The following RUNDC3B variants were observed in gnomAD, a reference collection of about 807,000 sequenced individuals.
The protein encoded by RUNDC3B is RUN domain containing 3B, also known as RUN domain-containing protein 3B.
A neutral mutation model predicts 58.4 loss-of-function variants in RUNDC3B; 33 were observed. That is an observed-to-expected ratio of 0.56 (90% CI 0.43 to 0.75). The LOEUF (loss-of-function observed/expected upper bound fraction) is 0.75, where lower values mean the gene tolerates loss of function less well. Ranked by LOEUF, RUNDC3B falls within the 30% of genes least tolerant of loss-of-function variation. The pLI is 0.00. For missense variants in RUNDC3B, 501 were observed against 535.7 expected, an observed-to-expected ratio of 0.94 and a Z score of 0.64; for synonymous variants, 193 against 195.2, an observed-to-expected ratio of 0.99 and a Z score of 0.10.
chr7:87,628,901 C>A lies in RUNDC3B; in HGVS notation c.78C>A (p.Ala26=). ...GAGGCGGCAAGAAAAGCCTGAGCGC[C>A]CGCAATGCTGCGGTGGAGAGGAGGA... ...GGGGGKKSLS[A]RNAAVERRNL... is the part of the protein sequence containing the mutation. Residue 26 remains alanine (A), a synonymous_variant, in exon 1 of 11, where the codon GCC becomes GCA. Transcript: ENST00000394654. 1 of 1,306,714 alleles carries A rather than the reference C, an allele frequency of 7.7e-7. No homozygotes were observed. Among genetic ancestry groups the A allele is most frequent in the Non-Finnish European group, 9.8e-7 (1 of 1,019,770 alleles). The allele number at this position is 1,306,714 out of a possible 1,614,324, so 80.9% of individuals were successfully genotyped here.
chr7:87,792,790 T>G (rs917851311), intron 8 of RUNDC3B, among the ~76,000 whole-genome samples: 3 of 151,742 alleles, frequency 2.0e-5, no homozygotes, highest in African/African-American at 7.3e-5. Context: ...TAATGATGCA[T>G]CTTAAAGAAC....
At chr7:87,802,464 C>CA (rs899424249) in intron 8 of RUNDC3B, among the ~76,000 whole-genome samples, 11 of 151,266 alleles carry the variant, frequency 7.3e-5, no homozygotes, top group African/African-American at 1.7e-4. Flanking sequence ...TAAATGGACA[C>CA]AAAAAAAATT....
In RUNDC3B at chr7:87,628,443, T is replaced by G; in HGVS notation, c.-381T>G. 6.1e-6 allele frequency: 1 copy of G among 162,764 alleles called. No individual in the cohort carries two copies. 10.1% of individuals were successfully genotyped at this position (162,764 alleles called of 1,614,324 possible). Reference sequence around the variant, plus strand: ...GGCACGAGTGGCTGCGGAGTGTGGGTGGTTGGGCGTGAGGGGCCGACGGGC... The same window carrying G: ...GGCACGAGTGGCTGCGGAGTGTGGGGGGTTGGGCGTGAGGGGCCGACGGGC... On this transcript the variant is annotated 5_prime_UTR_variant, in exon 1 of 11. Coordinates refer to ENST00000394654, the MANE Select transcript of RUNDC3B (RefSeq NM_001134405.2).
chr7:87,823,291 T>G (rs1837595398), intron 10 of RUNDC3B, among the ~76,000 whole-genome samples: 1 of 152,118 alleles, frequency 6.6e-6, no homozygotes, highest in Admixed American at 6.6e-5. Flanking sequence ...CTTTTTAAAA[T>G]TTCATAAACC....
chr7:87,719,143 T>A (rs1470766209), intron 4 of RUNDC3B, among the ~76,000 whole-genome samples: 1 of 151,704 alleles, frequency 6.6e-6, no homozygotes, highest in African/African-American at 2.4e-5. Flanking sequence ...AAAATCAATA[T>A]TCAACAATAA....
intron 2 of RUNDC3B, among the ~76,000 whole-genome samples, chr7:87,699,288 C>G (rs943375172): frequency 2.0e-5 from 3 of 152,002 alleles, no homozygotes; most frequent in Non-Finnish European, 4.4e-5. Flanking sequence ...AAACAACTTT[C>G]CTAGGGAAGA....
intron 4 of RUNDC3B, among the ~76,000 whole-genome samples, chr7:87,738,387 A>G (rs1053297567): frequency 2.0e-5 from 3 of 151,926 alleles, no homozygotes; most frequent in Non-Finnish European, 4.4e-5. Context: ...AGAAGTTTTC[A>G]TTTTTCTCCT....
At chr7:87,733,572 C>T (rs1584039426) in intron 4 of RUNDC3B, among the ~76,000 whole-genome samples, 1 of 152,092 alleles carries the variant, frequency 6.6e-6, no homozygotes, top group Non-Finnish European at 1.5e-5. Flanking sequence ...GGCAGCGGTC[C>T]CCAACCTTTT....
At chr7:87,700,183 TTGTTAAGACTA>T (rs1828896593) in intron 2 of RUNDC3B, among the ~76,000 whole-genome samples, 1 of 152,166 alleles carries the variant, frequency 6.6e-6, no homozygotes, top group African/African-American at 2.4e-5. Flanking sequence ...TTTGATTTTA[TTGTTAAGACTA>T]TGATCCAGAC....
At chr7:87,780,462 T>C (rs1031577596) in intron 8 of RUNDC3B, among the ~76,000 whole-genome samples, 2 of 152,210 alleles carry the variant, frequency 1.3e-5, no homozygotes, top group African/African-American at 4.8e-5. Flanking sequence ...ATTTGTTTTT[T>C]TCTTGTTGAT....
intron 4 of RUNDC3B, among the ~76,000 whole-genome samples, chr7:87,726,366 G>T (rs1029052006): frequency 3.3e-5 from 5 of 152,006 alleles, no homozygotes; most frequent in Admixed American, 6.6e-5. Flanking sequence ...CCCCATTGCT[G>T]GTTTTTGTCA....
intron 6 of RUNDC3B, among the ~76,000 whole-genome samples, chr7:87,749,623 A>G (rs1324363288): frequency 6.6e-6 from 1 of 152,156 alleles, no homozygotes; most frequent in Non-Finnish European, 1.5e-5. Flanking sequence ...CATTTTTTAA[A>G]AATCTACTAG....
intron 6 of RUNDC3B, among the ~76,000 whole-genome samples, chr7:87,754,527 A>G (rs1833239012): frequency 6.6e-6 from 1 of 152,222 alleles, no homozygotes; most frequent in Admixed American, 6.5e-5. Context: ...CACAATGGAA[A>G]GAATTAAAGA....
intron 2 of RUNDC3B, among the ~76,000 whole-genome samples, chr7:87,679,676 C>G (rs1363753906): frequency 2.7e-5 from 4 of 150,372 alleles, no homozygotes; most frequent in Non-Finnish European, 5.9e-5. Context: ...AAGTGTGAAC[C>G]ACTGTGCCTG....
chr7:87,648,700 T>TA (rs1272715700), intron 1 of RUNDC3B, among the ~76,000 whole-genome samples: 1 of 152,184 alleles, frequency 6.6e-6, no homozygotes, highest in Admixed American at 6.5e-5. Context: ...TAGTATTTTT[T>TA]ATTTCCCGAT....
chr7:87,710,542 A>G, intron 3 of RUNDC3B, 28 bp from the exon 4 acceptor site: 1 of 1,358,114 alleles, frequency 7.4e-7, no homozygotes, highest in Admixed American at 2.2e-5. Context: ...AATTTTTTTT[A>G]TATTTGATTC....
intron 2 of RUNDC3B, among the ~76,000 whole-genome samples, chr7:87,691,128 A>G (rs1463969356): frequency 6.6e-6 from 1 of 152,174 alleles, no homozygotes; most frequent in East Asian, 1.9e-4. Flanking sequence ...TTCATGAATT[A>G]GAAACATATT....
At chr7:87,660,621 A>G (rs1824600578) in intron 2 of RUNDC3B, among the ~76,000 whole-genome samples, 1 of 151,600 alleles carries the variant, frequency 6.6e-6, no homozygotes, top group Admixed American at 6.6e-5. Flanking sequence ...TTTGCTGATC[A>G]TTTATGTATA....
At chr7:87,675,726 C>G (rs562746365) in intron 2 of RUNDC3B, among the ~76,000 whole-genome samples, 1 of 148,412 alleles carries the variant, frequency 6.7e-6, no homozygotes, top group South Asian at 2.1e-4. Context: ...AGAAATCGGA[C>G]CTTTCTCTTA....
Sources: gnomAD v4.1 joint callset for allele counts (sites outside exome capture counted in the v4.1 genomes callset) on GRCh38, gnomAD v4.1.1 for gene constraint, MANE v1.5 for transcripts, NCBI Gene and HGNC (gene_info 2026-07-23, HGNC 2026-07-21) for gene names.